RIMS2: variants seen among roughly 807,000 people sequenced by gnomAD.
The protein encoded by RIMS2 is regulating synaptic membrane exocytosis protein 2.
A neutral mutation model predicts 174.4 loss-of-function variants in RIMS2; 59 were observed. That is an observed-to-expected ratio of 0.34 (90% CI 0.27 to 0.42). The LOEUF is 0.42. Ranked by LOEUF, RIMS2 falls within the 10% of genes least tolerant of loss-of-function variation. RIMS2 has a pLI of 1.00. For synonymous variants in RIMS2, 606 were observed against 572.5 expected, an observed-to-expected ratio of 1.06 and a Z score of -0.84; for missense variants, 1,620 against 1,666.3, an observed-to-expected ratio of 0.97 and a Z score of 0.48.
At position 103,766,247 on chromosome 8, in the gene RIMS2, G is replaced by T. The variant is rs756415450; in HGVS notation, c.408G>T (p.Leu136Phe). 1.6e-5 allele frequency: 26 copies of T among 1,612,238 alleles called. 1 individual carries two copies. In the South Asian group the frequency reaches 2.7e-4, roughly 17 times the overall value. ...TGCAGGTTATGTGGGTATGTAATTT[G>T]TGCCGAAAACAACAAGAAATCCTCA... is the stretch of plus-strand genomic sequence containing the variant. The change falls in exon 3 of 24, where the codon TTG (leucine) becomes TTT (phenylalanine). Residue 136 changes from leucine to phenylalanine, a missense_variant. Around this residue, in one of 2 missense-constraint regions of RIMS2, gnomAD observed 1,395 missense variants for 1,360.1 expected, o/e 1.03. Transcript: ENST00000504942.
At chr8:104,231,728 C>T (rs765249526) in intron 19 of RIMS2, among the ~76,000 whole-genome samples, 5 of 152,174 alleles carry the variant, frequency 3.3e-5, no homozygotes, top group Non-Finnish European at 7.3e-5. Context: ...TAGTATTATG[C>T]TTACTATTCC....
intron 1 of RIMS2, among the ~76,000 whole-genome samples, chr8:103,649,648 C>CTTTTTTTTTT (rs71575979): frequency 2.8e-5 from 4 of 143,400 alleles, no homozygotes; most frequent in Non-Finnish European, 3.0e-5. Flanking sequence ...CCTTTTCATT[C>CTTTTTTTTTT]TTTTTTTTTT....
chr8:104,061,412 G>A (rs542880535), intron 19 of RIMS2, among the ~76,000 whole-genome samples: 43 of 152,010 alleles, frequency 2.8e-4, no homozygotes, highest in African/African-American at 8.4e-4. Flanking sequence ...CATAAAGCAA[G>A]TCGTGTATCT....
intron 19 of RIMS2, among the ~76,000 whole-genome samples, chr8:104,215,005 G>C (rs1371582272): frequency 6.6e-6 from 1 of 152,082 alleles, no homozygotes; most frequent in African/African-American, 2.4e-5. Flanking sequence ...TGCTTTGACA[G>C]ACCCCTCACT....
chr8:103,787,020 A>C (rs1362889011), intron 3 of RIMS2, among the ~76,000 whole-genome samples: 5 of 150,616 alleles, frequency 3.3e-5, no homozygotes, highest in African/African-American at 1.2e-4. Flanking sequence ...CTTTACCATT[A>C]TGTAATGGCC....
intron 19 of RIMS2, among the ~76,000 whole-genome samples, chr8:104,079,504 G>C (rs2097365473): frequency 6.7e-6 from 1 of 149,756 alleles, no homozygotes; most frequent in Non-Finnish European, 1.5e-5. Flanking sequence ...TATAAAATCA[G>C]GGAGGATATG....
intron 3 of RIMS2, among the ~76,000 whole-genome samples, chr8:103,858,381 T>C (rs1384666263): frequency 6.6e-6 from 1 of 152,132 alleles, no homozygotes; most frequent in African/African-American, 2.4e-5. Context: ...TTATAAATTA[T>C]TGGGTACAGC....
intron 1 of RIMS2, among the ~76,000 whole-genome samples, chr8:103,693,724 G>T (rs1410871876): frequency 6.6e-6 from 1 of 152,172 alleles, no homozygotes; most frequent in Non-Finnish European, 1.5e-5. Context: ...GTCAGCAGGT[G>T]TGTGTCCCTG....
chr8:103,964,441 A>G (rs1004195524), intron 15 of RIMS2, among the ~76,000 whole-genome samples: 5 of 151,714 alleles, frequency 3.3e-5, no homozygotes, highest in African/African-American at 1.2e-4. Flanking sequence ...TCATATGCTT[A>G]TTTGCCATCT....
At chr8:103,579,904 CAG>C (rs746925281) in intron 1 of RIMS2, among the ~76,000 whole-genome samples, 2 of 152,100 alleles carry the variant, frequency 1.3e-5, no homozygotes. Context: ...TGGCAGGAGA[CAG>C]AGAGAGTGAA....
intron 1 of RIMS2, among the ~76,000 whole-genome samples, chr8:103,551,886 A>C (rs1373608510): frequency 6.6e-6 from 1 of 152,210 alleles, no homozygotes; most frequent in Non-Finnish European, 1.5e-5. Context: ...TAGGAATCCA[A>C]CTTACAAGGG....
At chr8:103,808,897 G>A (rs1324646440) in intron 3 of RIMS2, among the ~76,000 whole-genome samples, 3 of 152,148 alleles carry the variant, frequency 2.0e-5, no homozygotes, top group Admixed American at 2.0e-4. Flanking sequence ...GGGTATTTAT[G>A]GTTATATGTC....
At chr8:103,885,608 C>A (rs950334846) in exon 4 of RIMS2, 6 of 1,613,030 alleles carry the variant, frequency 3.7e-6, no homozygotes, top group Non-Finnish European at 5.1e-6. Flanking sequence ...CCGAAGTGAT[C>A]CGAATTTGGC....
At chr8:103,762,838 A>C (rs182355615) in intron 2 of RIMS2, among the ~76,000 whole-genome samples, 2 of 152,358 alleles carry the variant, frequency 1.3e-5, no homozygotes, top group Admixed American at 1.3e-4. Flanking sequence ...CCTAGGCTAC[A>C]AACCTGTACA....
intron 6 of RIMS2, 97 bp downstream of exon 9, chr8:103,912,269 G>A: frequency 2.5e-6 from 2 of 801,104 alleles, no homozygotes; most frequent in East Asian, 2.8e-5. Flanking sequence ...ATTTAGTAGT[G>A]TATTTTTCCA....
chr8:103,702,771 T>G (rs953077637), intron 2 of RIMS2, among the ~76,000 whole-genome samples: 4 of 152,108 alleles, frequency 2.6e-5, no homozygotes, highest in Non-Finnish European at 4.4e-5. Context: ...TCTATGTCTG[T>G]TTTTATGCTA....
At chr8:103,553,663 A>G (rs570194925) in intron 1 of RIMS2, among the ~76,000 whole-genome samples, 114 of 152,274 alleles carry the variant, frequency 7.5e-4, no homozygotes, top group African/African-American at 2.6e-3. Flanking sequence ...TTCCTATCAT[A>G]CTACTAACAG....
intron 1 of RIMS2, among the ~76,000 whole-genome samples, chr8:103,551,216 C>T (rs1847735369): frequency 1.3e-5 from 2 of 152,186 alleles, no homozygotes; most frequent in South Asian, 4.1e-4. Context: ...TACTGGCAAA[C>T]TGAATCCAGC....
At chr8:103,880,830 G>A (rs1031990049) in intron 3 of RIMS2, 4 of 368,500 alleles carry the variant, frequency 1.1e-5, no homozygotes, top group African/African-American at 2.1e-5. Flanking sequence ...ATGTTTTACA[G>A]GATTATATAC....
Sources: gnomAD v4.1 joint callset for allele counts (sites outside exome capture counted in the v4.1 genomes callset) on GRCh38, gnomAD v4.1.1 for gene constraint, gnomAD v4.1.1 regional missense constraint, MANE v1.5 for transcripts, NCBI Gene and HGNC (gene_info 2026-07-23, HGNC 2026-07-21) for gene names.